The following NUP210 variants were observed in gnomAD, a reference collection of about 807,000 sequenced individuals.
NUP210 encodes the protein nucleoporin 210, also known as nuclear pore membrane glycoprotein 210.
In NUP210, 151 loss-of-function variants were observed where a neutral mutation model predicts 196.0. The observed-to-expected ratio is 0.77, with a 90% CI of 0.67 to 0.88. The LOEUF (loss-of-function observed/expected upper bound fraction) is 0.88, where lower values mean the gene tolerates loss of function less well. Ranked by LOEUF, NUP210 falls within the 40% of genes least tolerant of loss-of-function variation. NUP210 has a pLI of 0.00. For missense variants in NUP210, 2,314 were observed against 2,493.7 expected, an observed-to-expected ratio of 0.93 and a Z score of 1.53; for synonymous variants, 1,070 against 1,052.7, an observed-to-expected ratio of 1.02 and a Z score of -0.32.
chr3:13,404,704 A>C (rs1699948887), intron 1 of NUP210, among the ~76,000 whole-genome samples: 1 of 152,182 alleles, frequency 6.6e-6, no homozygotes, highest in Non-Finnish European at 1.5e-5. Context: ...CCTCCCTCCG[A>C]AGGGCTGTCT....
At chr3:13,403,691 C>T (rs962347515) in intron 1 of NUP210, among the ~76,000 whole-genome samples, 1 of 152,246 alleles carries the variant, frequency 6.6e-6, no homozygotes, top group South Asian at 2.1e-4. Flanking sequence ...TGGGAGGCAG[C>T]GGGTGCTAAA....
intron 28 of NUP210, among the ~76,000 whole-genome samples, chr3:13,334,860 G>C (rs1319130622): frequency 1.3e-5 from 2 of 152,222 alleles, no homozygotes; most frequent in Non-Finnish European, 1.5e-5. Flanking sequence ...CCCTGGCTCT[G>C]AACAAGGCGC....
chr3:13,341,751 A>G lies in NUP210; in HGVS notation c.3225T>C (p.Ile1075=). 6.2e-7 allele frequency: 1 copy of G among 1,614,192 alleles called. No homozygotes were observed. Among genetic ancestry groups the G allele is most frequent in the Non-Finnish European group, 8.5e-7 (1 of 1,180,018 alleles). The change falls in exon 23 of 40, where the codon ATT becomes ATC. Residue 1075 remains isoleucine, a synonymous_variant. Coordinates refer to ENST00000254508, the MANE Select transcript of NUP210 (RefSeq NM_024923.4). ...GTGTGGGAAGAACTCGTCTTACTTC[A>G]ATCTGTTGTGGGGCTGAGTTGATTC... ...GQRINSAPQQ[I]EVFPPFRLMP... is the part of the protein sequence containing the mutation.
At chr3:13,376,553 C>T (rs1307610536) in intron 9 of NUP210, 122 bp from the exon 10 acceptor site, 2 of 998,492 alleles carry the variant, frequency 2.0e-6, no homozygotes, top group African/African-American at 3.2e-5. Context: ...CCCCCTGGGG[C>T]TCAGCAGCCT....
At chr3:13,381,442 AG>A (rs2124924258) in intron 6 of NUP210, among the ~76,000 whole-genome samples, 1 of 132,682 alleles carries the variant, frequency 7.5e-6, no homozygotes, top group African/African-American at 3.0e-5. Flanking sequence ...TTTTAGAGAT[AG>A]GTTCTTACTA....
intron 12 of NUP210, among the ~76,000 whole-genome samples, chr3:13,373,234 T>C (rs568458358): frequency 7.9e-5 from 12 of 152,246 alleles, no homozygotes; most frequent in Non-Finnish European, 1.3e-4. Context: ...CCTGCCACCA[T>C]TGTGAAGTGA....
chr3:13,354,683 G>C (rs1308603366), intron 16 of NUP210: 1 of 153,316 alleles, frequency 6.5e-6, no homozygotes, highest in African/African-American at 2.4e-5. Context: ...ATGTCCCAGA[G>C]CTACTGGGTT....
At chr3:13,333,705 C>T (rs369912848) in intron 28 of NUP210, among the ~76,000 whole-genome samples, 1 of 152,192 alleles carries the variant, frequency 6.6e-6, no homozygotes, top group Admixed American at 6.5e-5. Flanking sequence ...TCGGATGCCC[C>T]CTTCCGGCAT....
chr3:13,328,120 T>G (rs1411818634), intron 31 of NUP210, among the ~76,000 whole-genome samples: 2 of 152,330 alleles, frequency 1.3e-5, no homozygotes, highest in African/African-American at 4.8e-5. Flanking sequence ...TGACCTGCAG[T>G]GCAGCCAAAG....
At chr3:13,396,893 C>G (rs1699674331) in intron 3 of NUP210, among the ~76,000 whole-genome samples, 1 of 152,106 alleles carries the variant, frequency 6.6e-6, no homozygotes, top group South Asian at 2.1e-4. Flanking sequence ...GGGCCGGCAG[C>G]ATAAATGTGA....
chr3:13,341,611 CT>C, intron 23 of NUP210, 136 bp downstream of exon 23: 1 of 1,033,948 alleles, frequency 9.7e-7, no homozygotes, highest in East Asian at 2.5e-5. Flanking sequence ...TAACAGCTGC[CT>C]TTTGATGAGA....
At chr3:13,349,144 C>T (rs1277989598) in intron 20 of NUP210, among the ~76,000 whole-genome samples, 1 of 151,910 alleles carries the variant, frequency 6.6e-6, no homozygotes, top group Non-Finnish European at 1.5e-5. Context: ...TTGGAGAAAG[C>T]CTGCTGACAT....
intron 30 of NUP210, among the ~76,000 whole-genome samples, chr3:13,330,142 T>C (rs982013181): frequency 6.6e-6 from 1 of 152,206 alleles, no homozygotes. Flanking sequence ...GCACAGTGGG[T>C]GGAGCACCCG....
intron 20 of NUP210, among the ~76,000 whole-genome samples, chr3:13,349,168 G>T (rs1215818297): frequency 6.6e-6 from 1 of 152,198 alleles, no homozygotes; most frequent in Non-Finnish European, 1.5e-5. Context: ...GGAAGAACAA[G>T]GGCCTGTGGT....
At chr3:13,390,976 T>G (rs558392024) in intron 4 of NUP210, among the ~76,000 whole-genome samples, 1 of 152,274 alleles carries the variant, frequency 6.6e-6, no homozygotes, top group Non-Finnish European at 1.5e-5. Context: ...ATCCCAAGCC[T>G]CTGACAGCTT....
Position 13,325,785 on chromosome 3 carries a change from T to C in NUP210, c.4644+10A>G. On this transcript the variant is annotated intron_variant, in intron 33 of 39. Coordinates refer to ENST00000254508, the MANE Select transcript of NUP210 (RefSeq NM_024923.4). ...TGAGCCACATGTGCCTCCGGCTGCTTAGAGCCCACCTCCTTGTAGGTCCTC... is the reference window on the plus strand; with the variant it reads ...TGAGCCACATGTGCCTCCGGCTGCTCAGAGCCCACCTCCTTGTAGGTCCTC... 1.2e-6 allele frequency: 2 copies of C among 1,613,440 alleles called. No individual in the cohort carries two copies. Among genetic ancestry groups the C allele is most frequent in the Non-Finnish European group, 1.7e-6 (2 of 1,179,850 alleles).
chr3:13,392,077 G>A (rs149626175), intron 3 of NUP210, among the ~76,000 whole-genome samples: 21 of 152,202 alleles, frequency 1.4e-4, no homozygotes, highest in African/African-American at 2.4e-4. Flanking sequence ...GATGTTCCAC[G>A]CCTGTTCCAC....
chr3:13,366,812 C>T (rs1040445769), intron 13 of NUP210, among the ~76,000 whole-genome samples: 8 of 151,748 alleles, frequency 5.3e-5, no homozygotes, highest in Admixed American at 2.0e-4. Flanking sequence ...CCACCGCACC[C>T]GGCCCTGATT....
chr3:13,366,621 G>A (rs1698546765), intron 13 of NUP210, among the ~76,000 whole-genome samples: 1 of 150,270 alleles, frequency 6.7e-6, no homozygotes, highest in South Asian at 2.1e-4. Flanking sequence ...GGCTTCAAGC[G>A]ATTCTCCTGC....
Sources: gnomAD v4.1 joint callset for allele counts (sites outside exome capture counted in the v4.1 genomes callset) on GRCh38, gnomAD v4.1.1 for gene constraint, MANE v1.5 for transcripts, NCBI Gene and HGNC (gene_info 2026-07-23, HGNC 2026-07-21) for gene names.